Variants in RAP1GAP2 observed in about 807,000 individuals in gnomAD.
The protein encoded by RAP1GAP2 is rap1 GTPase-activating protein 2.
A neutral mutation model predicts 95.0 loss-of-function variants in RAP1GAP2; 27 were observed. The ratio of observed to expected loss-of-function variants is 0.28; its 90% confidence interval spans 0.21 to 0.39. The LOEUF is 0.39. Among genes scored for constraint, RAP1GAP2 ranks in the 10% least tolerant of loss-of-function variants. The pLI is 1.00. For missense variants in RAP1GAP2, 771 were observed against 970.0 expected (o/e 0.79, Z 2.72); for synonymous variants, 373 against 380.9 (o/e 0.98, Z 0.24).
At chr17:2,949,698 C>T (rs895167949) in intron 3 of RAP1GAP2, among the ~76,000 whole-genome samples, 4 of 152,022 alleles carry the variant, frequency 2.6e-5, no homozygotes, top group Non-Finnish European at 5.9e-5. Context: ...TGAGTGCCTG[C>T]TATGTGCCCT....
At chr17:2,789,122 A>G (rs1395224818) in intron 1 of RAP1GAP2, among the ~76,000 whole-genome samples, 1 of 152,078 alleles carries the variant, frequency 6.6e-6, no homozygotes, top group Non-Finnish European at 1.5e-5. Flanking sequence ...CAGTGGCCCA[A>G]TCATGGCTCT....
At chr17:2,919,771 C>T (rs914911214) in intron 3 of RAP1GAP2, among the ~76,000 whole-genome samples, 8 of 152,028 alleles carry the variant, frequency 5.3e-5, no homozygotes, top group South Asian at 2.1e-4. Context: ...AGCGCGATCT[C>T]GGCTCACTGC....
At position 2,930,977 on chromosome 17, in the gene RAP1GAP2, C is replaced by A. The variant is rs566428712; in HGVS notation, c.165+25609C>A. Among the ~76,000 whole-genome samples, 41 of 152,122 alleles carry A rather than the reference C, an allele frequency of 2.7e-4. No homozygotes were observed. The South Asian group carries it at 8.5e-3, about 32-fold the overall frequency. On this transcript the variant is annotated intron_variant, in intron 3 of 24. Coordinates refer to ENST00000254695, the MANE Select transcript of RAP1GAP2 (RefSeq NM_015085.5). ...CATCCCTACTAAACATACAAAAAAA[C>A]TAGCCAGGCGTGGCATGCCCTGTAA...
chr17:2,772,602 AT>A (rs923140588), upstream of RAP1GAP2, among the ~76,000 whole-genome samples: 1 of 151,686 alleles, frequency 6.6e-6, no homozygotes, highest in Non-Finnish European at 1.5e-5. Context: ...GCCAATAGTT[AT>A]TTTTTTAGTT....
At chr17:2,981,269 A>T (rs1387914114) in intron 10 of RAP1GAP2, 21 bp downstream of exon 10, 1 of 1,595,980 alleles carries the variant, frequency 6.3e-7, no homozygotes, top group Admixed American at 1.7e-5. Flanking sequence ...TCATGCTCCC[A>T]ACATAGGGGC....
At chr17:2,793,311 G>A (rs2068978107), upstream of RAP1GAP2, among the ~76,000 whole-genome samples, 1 of 152,060 alleles carries the variant, frequency 6.6e-6, no homozygotes, top group African/African-American at 2.4e-5. Flanking sequence ...GTGCCACGAC[G>A]CCCGGCTAAT....
chr17:3,028,751 A>G (rs1048745249), intron 22 of RAP1GAP2, among the ~76,000 whole-genome samples: 4 of 152,184 alleles, frequency 2.6e-5, no homozygotes. Flanking sequence ...TGACAGGTCC[A>G]CGTCTCTGAG....
intron 2 of RAP1GAP2, among the ~76,000 whole-genome samples, chr17:2,826,898 T>C (rs796707702): frequency 6.6e-6 from 1 of 151,856 alleles, no homozygotes; most frequent in African/African-American, 2.4e-5. Flanking sequence ...CCCAGCTACT[T>C]GGGAGGCTGA....
intron 2 of RAP1GAP2, among the ~76,000 whole-genome samples, chr17:2,892,278 C>T (rs990596512): frequency 6.6e-6 from 1 of 152,186 alleles, no homozygotes; most frequent in Non-Finnish European, 1.5e-5. Flanking sequence ...GACCCAGAGA[C>T]TCAGGACCTT....
At chr17:2,982,783 G>C (rs1078412) in intron 10 of RAP1GAP2, among the ~76,000 whole-genome samples, 43,484 of 151,886 alleles carry the variant, frequency 0.29, 7,204 homozygotes, top group African/African-American at 0.45. Flanking sequence ...TTTATTTGCA[G>C]AGTTCTCTCT....
At position 3,005,238 on chromosome 17, in the gene RAP1GAP2, A is replaced by G; in HGVS notation, c.1201-131A>G. The G allele has an allele frequency of 4.3e-6, 4 of 926,816 alleles. No individual in the cohort carries two copies. Among genetic ancestry groups the G allele is most frequent in the Non-Finnish European group, 5.3e-6 (3 of 561,680 alleles). The allele number at this position is 926,816 out of a possible 1,614,324, so 57.4% of individuals were successfully genotyped here. A position where few individuals can be genotyped will look rare whatever the true frequency, so the allele number is the denominator to read the frequency against. ...CAGGGCCTGTGCTGGCGATGCTCAC[A>G]GGAGTATTTTGTTTGTGTTCTGGGA... On this transcript the variant is annotated intron_variant, in intron 14 of 24. Transcript: ENST00000254695. The surrounding 1 kb of genome is among the most constrained non-coding windows in gnomAD (Gnocchi z 5.2).
At chr17:2,982,055 A>C (rs2045381005) in intron 10 of RAP1GAP2, among the ~76,000 whole-genome samples, 1 of 152,186 alleles carries the variant, frequency 6.6e-6, no homozygotes. Context: ...TCTGAGTCCC[A>C]ACTCTGACAA....
chr17:2,886,555 A>G (rs907658554), intron 2 of RAP1GAP2, among the ~76,000 whole-genome samples: 2 of 152,322 alleles, frequency 1.3e-5, no homozygotes, highest in African/African-American at 4.8e-5. Context: ...CAATCCAAGA[A>G]TGGGTTATTG....
At chr17:2,910,883 G>T (rs1417160076) in intron 3 of RAP1GAP2, among the ~76,000 whole-genome samples, 1 of 152,154 alleles carries the variant, frequency 6.6e-6, no homozygotes, top group Non-Finnish European at 1.5e-5. Flanking sequence ...ATTTTTAGTA[G>T]AGATGGGGTT....
intron 3 of RAP1GAP2, among the ~76,000 whole-genome samples, chr17:2,948,167 T>G (rs746474124): frequency 5.9e-5 from 9 of 152,300 alleles, no homozygotes; most frequent in Non-Finnish European, 1.2e-4. Context: ...GCGGTCATGT[T>G]TTCAGCCCCA....
At chr17:2,756,350 C>T (rs1327578073) in intron 1 of RAP1GAP2, among the ~76,000 whole-genome samples, 1 of 152,242 alleles carries the variant, frequency 6.6e-6, no homozygotes, top group Non-Finnish European at 1.5e-5. Context: ...GTCGCCCTTT[C>T]CCCCTCCGCA....
intron 17 of RAP1GAP2, among the ~76,000 whole-genome samples, chr17:3,010,624 G>A (rs933053478): frequency 1.9e-4 from 29 of 152,316 alleles, no homozygotes; most frequent in South Asian, 6.2e-4. Context: ...CCAGTCCCCC[G>A]CCTCTGGCAG....
intron 2 of RAP1GAP2, among the ~76,000 whole-genome samples, chr17:2,819,169 C>A (rs1424935375): frequency 6.6e-6 from 1 of 151,968 alleles, no homozygotes; most frequent in Non-Finnish European, 1.5e-5. Flanking sequence ...CAGGCGCCCG[C>A]TACCACACCC....
intron 3 of RAP1GAP2, among the ~76,000 whole-genome samples, chr17:2,919,409 C>T (rs1328264824): frequency 1.3e-5 from 2 of 152,206 alleles, no homozygotes; most frequent in African/African-American, 2.4e-5. Context: ...GGGCTGGGAG[C>T]GTCCCAAGGC....
Sources: allele counts gnomAD v4.1 joint callset (sites outside exome capture counted in the v4.1 genomes callset), GRCh38; gene constraint gnomAD v4.1.1; non-coding constraint Gnocchi (gnomAD v3.1); transcripts MANE v1.5; gene names NCBI Gene and HGNC (gene_info 2026-07-23, HGNC 2026-07-21).